Variants in BICRAL observed in about 807,000 individuals in gnomAD.
The protein encoded by BICRAL is BRD4-interacting chromatin-remodeling complex-associated protein-like.
In BICRAL, 8 loss-of-function variants were observed where a neutral mutation model predicts 91.8. That is an observed-to-expected ratio of 0.09 (90% CI 0.05 to 0.16). The LOEUF is 0.16. Among genes scored for constraint, BICRAL ranks in the 10% least tolerant of loss-of-function variants. BICRAL has a pLI of 1.00. For synonymous variants in BICRAL, 445 were observed against 491.1 expected, an observed-to-expected ratio of 0.91 and a Z score of 1.24; for missense variants, 1,038 against 1,310.9, an observed-to-expected ratio of 0.79 and a Z score of 3.21.
intron 2 of BICRAL, among the ~76,000 whole-genome samples, chr6:42,820,194 A>G (rs1336821391): frequency 6.6e-6 from 1 of 152,052 alleles, no homozygotes; most frequent in Non-Finnish European, 1.5e-5. Flanking sequence ...CAAGTGTGTC[A>G]AGTAAGGAGG....
intron 6 of BICRAL, among the ~76,000 whole-genome samples, chr6:42,845,591 A>C (rs1173489120): frequency 1.3e-5 from 2 of 152,020 alleles, no homozygotes; most frequent in African/African-American, 2.4e-5. Context: ...GGGCCTCTTC[A>C]CGACAGCATG....
At chr6:42,837,901 C>G (rs183466978) in intron 6 of BICRAL, among the ~76,000 whole-genome samples, 1 of 152,272 alleles carries the variant, frequency 6.6e-6, no homozygotes, top group Admixed American at 6.5e-5. Context: ...TCCTTCCTCA[C>G]TTTTGTATTG....
chr6:42,759,450 T>C (rs1024294438), intron 1 of BICRAL, among the ~76,000 whole-genome samples: 6 of 152,124 alleles, frequency 3.9e-5, no homozygotes, highest in Non-Finnish European at 7.4e-5. Flanking sequence ...AGAAATGGCA[T>C]TGGGCTGCGA....
intron 1 of BICRAL, among the ~76,000 whole-genome samples, chr6:42,804,399 T>C (rs1763653460): frequency 6.6e-6 from 1 of 152,206 alleles, no homozygotes; most frequent in East Asian, 1.9e-4. Flanking sequence ...GATGCATGGC[T>C]GTATTGTCAT....
At chr6:42,749,410 T>C (rs1379923403) in intron 1 of BICRAL, among the ~76,000 whole-genome samples, 1 of 152,082 alleles carries the variant, frequency 6.6e-6, no homozygotes, top group African/African-American at 2.4e-5. Flanking sequence ...TGAAGTGAGA[T>C]TGGTTAAAGG....
intron 6 of BICRAL, among the ~76,000 whole-genome samples, chr6:42,845,196 T>G (rs13208586): frequency 0.53 from 26,828 of 51,032 alleles, 3,797 homozygotes; most frequent in South Asian, 0.61. Flanking sequence ...TTTTTGGGTG[T>G]TTTTTTTTTT....
At chr6:42,862,663 G>A (rs1417769085) in intron 12 of BICRAL, 51 bp downstream of exon 12, 4 of 1,066,348 alleles carry the variant, frequency 3.8e-6, no homozygotes, top group Admixed American at 1.7e-5. Flanking sequence ...ATGGTTCAGG[G>A]ACCATGGGGC....
At chr6:42,836,123 A>G (rs1247244480) in intron 6 of BICRAL, among the ~76,000 whole-genome samples, 3 of 152,176 alleles carry the variant, frequency 2.0e-5, no homozygotes, top group Non-Finnish European at 4.4e-5. Flanking sequence ...GTGCATACAC[A>G]TACTTACCTG....
chr6:42,825,104 C>T (rs1764253563), intron 5 of BICRAL, among the ~76,000 whole-genome samples: 1 of 151,590 alleles, frequency 6.6e-6, no homozygotes, highest in Admixed American at 6.6e-5. Flanking sequence ...ACTAAAAATG[C>T]AAAAAATTAG....
chr6:42,845,494 G>A (rs559981861), intron 6 of BICRAL, among the ~76,000 whole-genome samples: 2 of 151,860 alleles, frequency 1.3e-5, no homozygotes, highest in Non-Finnish European at 2.9e-5. Flanking sequence ...ACATGTTTGG[G>A]AGATGTGTTT....
intron 5 of BICRAL, among the ~76,000 whole-genome samples, chr6:42,826,104 G>A (rs1297748873): frequency 7.2e-6 from 1 of 138,254 alleles, no homozygotes. Flanking sequence ...AAGAAAAAAA[G>A]ATACATATTT....
At chr6:42,781,081 A>G (rs1762894187), upstream of BICRAL, among the ~76,000 whole-genome samples, 1 of 151,966 alleles carries the variant, frequency 6.6e-6, no homozygotes, top group African/African-American at 2.4e-5. Flanking sequence ...TAGTTTACAG[A>G]GAAGTTTCAA....
chr6:42,794,794 C>CAAAAAAA (rs1207429482), intron 1 of BICRAL, among the ~76,000 whole-genome samples: 2 of 95,250 alleles, frequency 2.1e-5, no homozygotes, highest in African/African-American at 4.4e-5. Context: ...ACTAAAAATA[C>CAAAAAAA]AAAAAAAAAA....
At chr6:42,799,696 A>G (rs1234799186) in intron 1 of BICRAL, among the ~76,000 whole-genome samples, 1 of 152,152 alleles carries the variant, frequency 6.6e-6, no homozygotes, top group African/African-American at 2.4e-5. Flanking sequence ...TCCAGTTCAC[A>G]TGGCATTTCT....
At chr6:42,809,810 G>A (rs927523961) in intron 1 of BICRAL, among the ~76,000 whole-genome samples, 3 of 150,848 alleles carry the variant, frequency 2.0e-5, no homozygotes, top group Non-Finnish European at 4.4e-5. Flanking sequence ...TTTTTGAGAC[G>A]GAATCTCCCT....
intron 8 of BICRAL, among the ~76,000 whole-genome samples, chr6:42,855,181 A>G (rs1765311053): frequency 6.6e-6 from 1 of 152,218 alleles, no homozygotes; most frequent in African/African-American, 2.4e-5. Context: ...TGTGTATCCC[A>G]TACTTACACT....
intron 1 of BICRAL, among the ~76,000 whole-genome samples, chr6:42,798,577 T>TC (rs1231785585): frequency 2.0e-5 from 3 of 152,018 alleles, no homozygotes; most frequent in African/African-American, 7.3e-5. Context: ...GCACCAGTAG[T>TC]CCCAGCTACT....
chr6:42,813,312 G>A (rs1472373606), intron 2 of BICRAL, among the ~76,000 whole-genome samples: 2 of 151,938 alleles, frequency 1.3e-5, no homozygotes, highest in Admixed American at 6.6e-5. Flanking sequence ...AAAACCAGTG[G>A]TAAAGAGAAA....
chr6:42,865,515 T>TC lies in BICRAL; in HGVS notation c.*70dup. ...AGACCCCACCCCGGACCAGTTACATTCGTTCCTGGCAAAAGCAAATGGAAA... is the reference window on the plus strand; with the variant it reads ...AGACCCCACCCCGGACCAGTTACATTCCGTTCCTGGCAAAAGCAAATGGAAA... On this transcript the variant is annotated 3_prime_UTR_variant, in exon 13 of 13. Coordinates refer to ENST00000314073, the MANE Select transcript of BICRAL (RefSeq NM_001393499.1). The TC allele has an allele frequency of 2.5e-6, 2 of 790,676 alleles. No homozygotes were observed. Among genetic ancestry groups the TC allele is most frequent in the South Asian group, 3.5e-5 (2 of 56,580 alleles). The allele number at this position is 790,676 out of a possible 1,614,324, so 49.0% of individuals were successfully genotyped here. A position where few individuals can be genotyped will look rare whatever the true frequency, so the allele number is the denominator to read the frequency against.
Sources: gnomAD v4.1 joint callset for allele counts (sites outside exome capture counted in the v4.1 genomes callset) on GRCh38, gnomAD v4.1.1 for gene constraint, MANE v1.5 for transcripts, NCBI Gene and HGNC (gene_info 2026-07-23, HGNC 2026-07-21) for gene names.